Variants in SLTM observed in about 807,000 individuals in gnomAD.
SLTM encodes the protein SAFB like transcription modulator, also known as SAFB-like transcription modulator.
SLTM carries 43 observed loss-of-function variants against 134.6 expected under a neutral mutation model. The ratio of observed to expected loss-of-function variants is 0.32; its 90% confidence interval spans 0.25 to 0.41. The LOEUF (loss-of-function observed/expected upper bound fraction) is 0.41. Among genes scored for constraint, SLTM ranks in the 10% least tolerant of loss-of-function variants. The probability of loss-of-function intolerance (pLI) is 1.00; values close to 1 mark genes in which losing one functional copy is unlikely to be tolerated. For synonymous variants in SLTM, 424 were observed against 432.3 expected, an observed-to-expected ratio of 0.98 and a Z score of 0.24; for missense variants, 1,055 against 1,288.8, an observed-to-expected ratio of 0.82 and a Z score of 2.78.
At chr15:58,902,034 T>C (rs2035520373) in intron 5 of SLTM, among the ~76,000 whole-genome samples, 1 of 152,182 alleles carries the variant, frequency 6.6e-6, no homozygotes, top group African/African-American at 2.4e-5. Context: ...TTTGACAGTT[T>C]GGCTAAAATT....
intron 2 of SLTM, among the ~76,000 whole-genome samples, chr15:58,925,247 A>G (rs1194223416): frequency 6.6e-6 from 1 of 152,174 alleles, no homozygotes; most frequent in Non-Finnish European, 1.5e-5. Context: ...CTTCTCTTCT[A>G]TTAAACTGAC....
rs566288421 is a variant in SLTM, at chr15:58,899,829, G to A, written c.698C>T (p.Thr233Met). ...GTCATCCTCAGCTTCTTTCACAGTC[G>A]TATGAGCTTCCATCTCTTCATGAGC... is the stretch of plus-strand genomic sequence containing the variant. ...HTAHEEMEAH[T>M]TVKEAEDDNI... Residue 233 changes from threonine (T) to methionine (M), a missense_variant, in exon 7 of 21, where the codon ACG (threonine) becomes ATG (methionine). This residue lies in a region of SLTM where 268 missense variants were observed against 284.3 expected (regional missense o/e 0.94). Transcript: ENST00000380516. This position sits in a 1 kb window ranked among gnomAD's most constrained non-coding sequence, Gnocchi z 5.0. 8.7e-6 allele frequency: 14 copies of A among 1,614,058 alleles called. 1 individual carries two copies. The highest frequency in any genetic ancestry group is 1.6e-4 in the Middle Eastern group (1 of 6,062).
chr15:58,886,515 C>T (rs539379882), intron 19 of SLTM, among the ~76,000 whole-genome samples: 2 of 152,226 alleles, frequency 1.3e-5, no homozygotes, highest in East Asian at 3.9e-4. Flanking sequence ...GATCTGCCCA[C>T]CTCGGCCTCC....
intron 2 of SLTM, among the ~76,000 whole-genome samples, chr15:58,920,942 G>A (rs1436656826): frequency 6.6e-6 from 1 of 152,020 alleles, no homozygotes; most frequent in Non-Finnish European, 1.5e-5. Context: ...GCAACACAGT[G>A]AGACTCCATC....
chr15:58,899,970 A>G lies in SLTM; in HGVS notation c.590-33T>C, dbSNP rs374527480. The stretch of plus-strand genomic sequence containing the variant: ...GATTTAACAGGAATAAATATGGCAA[A>G]ACAAGAAGTTTAAACAATTTCATAT... On this transcript the variant is annotated intron_variant, in intron 6 of 20. Coordinates refer to ENST00000380516, the MANE Select transcript of SLTM (RefSeq NM_024755.4). The surrounding 1 kb of genome is among the most constrained non-coding windows in gnomAD (Gnocchi z 5.0). 26 of 1,531,910 alleles carry G rather than the reference A, an allele frequency of 1.7e-5. No homozygotes were observed. Among genetic ancestry groups the G allele is most frequent in the African/African-American group, 2.8e-5 (2 of 72,376 alleles). The allele number at this position is 1,531,910 out of a possible 1,614,324, so 94.9% of individuals were successfully genotyped here. A position where few individuals can be genotyped will look rare whatever the true frequency, so the allele number is the denominator to read the frequency against.
At chr15:58,919,972 C>T (rs1230996313) in intron 2 of SLTM, among the ~76,000 whole-genome samples, 1 of 152,092 alleles carries the variant, frequency 6.6e-6, no homozygotes, top group African/African-American at 2.4e-5. Flanking sequence ...CTTATTATGA[C>T]CTGTATAAAA....
chr15:58,907,587 C>T (rs1414787787), intron 5 of SLTM, among the ~76,000 whole-genome samples: 1 of 152,038 alleles, frequency 6.6e-6, no homozygotes, highest in East Asian at 1.9e-4. Context: ...CGTCGCCACA[C>T]TCCAGCCTGG....
chr15:58,931,524 C>G (rs147956485), intron 2 of SLTM, among the ~76,000 whole-genome samples: 15 of 152,270 alleles, frequency 9.9e-5, no homozygotes, highest in African/African-American at 3.6e-4. Context: ...TCATGACAAA[C>G]TCTGCATGAA....
chr15:58,929,005 G>C (rs1215801866), intron 2 of SLTM, among the ~76,000 whole-genome samples: 2 of 152,120 alleles, frequency 1.3e-5, no homozygotes, highest in East Asian at 3.8e-4. Flanking sequence ...AGAACTAAAA[G>C]AGCCTTACAG....
At chr15:58,930,848 A>G (rs985083665) in intron 2 of SLTM, among the ~76,000 whole-genome samples, 24 of 151,678 alleles carry the variant, frequency 1.6e-4, no homozygotes, top group Non-Finnish European at 2.2e-4. Flanking sequence ...ATTTCTAATA[A>G]TAAGAGATAA....
intron 3 of SLTM, 88 bp downstream of exon 3, chr15:58,916,847 G>A: frequency 9.5e-7 from 1 of 1,057,146 alleles, no homozygotes; most frequent in South Asian, 1.4e-5. Flanking sequence ...ATACTTCAGT[G>A]ACCATTGTTC....
intron 2 of SLTM, among the ~76,000 whole-genome samples, chr15:58,924,634 C>CT (rs1299303417): frequency 6.6e-6 from 1 of 152,160 alleles, no homozygotes; most frequent in African/African-American, 2.4e-5. Flanking sequence ...GTTTTCAGAA[C>CT]TTTTTGTATT....
intron 9 of SLTM, among the ~76,000 whole-genome samples, chr15:58,896,247 T>C (rs1009885011): frequency 6.6e-6 from 1 of 152,130 alleles, no homozygotes; most frequent in South Asian, 2.1e-4. Flanking sequence ...ACAAGACTTA[T>C]AACAACTTCT....
At chr15:58,882,163 C>G (rs1434917141) in intron 20 of SLTM, among the ~76,000 whole-genome samples, 1 of 42,206 alleles carries the variant, frequency 2.4e-5, no homozygotes, top group Admixed American at 3.6e-4. Context: ...CCAGCCTGGA[C>G]AGAGCAAGAC....
intron 1 of SLTM, 97 bp downstream of exon 1, chr15:58,933,307 G>A: frequency 7.3e-6 from 10 of 1,369,304 alleles, no homozygotes; most frequent in Non-Finnish European, 9.7e-6. Flanking sequence ...GCAGGTCCCA[G>A]CGGCTGCGGG....
At position 58,881,909 on chromosome 15, in the gene SLTM, A is replaced by T. The variant is rs567676205; in HGVS notation, c.2996+1717T>A. Among the ~76,000 whole-genome samples, 88 of 150,890 alleles carry T rather than the reference A, an allele frequency of 5.8e-4. 1 individual carries two copies. The South Asian group carries it at 0.018, about 31-fold the overall frequency. On this transcript the variant is annotated intron_variant, in intron 20 of 20. Coordinates refer to ENST00000380516, the MANE Select transcript of SLTM (RefSeq NM_024755.4). ...ACTGTGCCCAGCCTGAGAAACATTTAAAAAAAAATAGAGCCACACGGCCGG... is the reference window on the plus strand; with the variant it reads ...ACTGTGCCCAGCCTGAGAAACATTTTAAAAAAAATAGAGCCACACGGCCGG...
At chr15:58,884,314 TTTGTTG>T (rs770701415) in intron 19 of SLTM, among the ~76,000 whole-genome samples, 2 of 151,958 alleles carry the variant, frequency 1.3e-5, no homozygotes, top group African/African-American at 4.8e-5. Context: ...ATTTAATACT[TTTGTTG>T]TTGTTGTTTT....
Position 58,887,377 on chromosome 15 carries a change from G to A in SLTM, c.2539C>T (p.Arg847Ter), listed in dbSNP as rs1477743675. 6.2e-7 allele frequency: 1 copy of A among 1,613,730 alleles called. No homozygotes were observed. The highest frequency in any genetic ancestry group is 8.5e-7 in the Non-Finnish European group (1 of 1,179,928). Reference protein sequence around the residue: ...ELRESDRREVRGERDERRTVI... With the variant: ...ELRESDRREV ...GTTCTCCTTTCGTCTCGCTCCCCTC[G>A]TACTTCTCGCCTGTCTGATTCTCTA... Residue 847 changes from arginine to a stop codon, truncating the protein, a stop_gained, in exon 18 of 21, where the codon CGA (arginine) becomes TGA (stop). Coordinates refer to ENST00000380516, the MANE Select transcript of SLTM (RefSeq NM_024755.4). LOFTEE classifies it high-confidence loss of function.
intron 5 of SLTM, among the ~76,000 whole-genome samples, chr15:58,905,577 TA>T (rs1176977544): frequency 6.6e-6 from 1 of 152,002 alleles, no homozygotes; most frequent in Non-Finnish European, 1.5e-5. Flanking sequence ...AATAATTTTT[TA>T]AAAAAGAATG....
Sources: gnomAD v4.1 joint callset for allele counts (sites outside exome capture counted in the v4.1 genomes callset) on GRCh38, gnomAD v4.1.1 for gene constraint, gnomAD v4.1.1 regional missense constraint, Gnocchi (gnomAD v3.1) non-coding constraint, MANE v1.5 for transcripts, NCBI Gene and HGNC (gene_info 2026-07-23, HGNC 2026-07-21) for gene names.